Variants in MED13 observed in about 807,000 individuals in gnomAD.
MED13 encodes mediator of RNA polymerase II transcription subunit 13.
A neutral mutation model predicts 225.2 loss-of-function variants in MED13; 23 were observed. The observed-to-expected ratio is 0.10, with a 90% CI of 0.07 to 0.14. MED13 has a LOEUF of 0.14. MED13 is among the 10% of genes least tolerant of loss of function. The pLI is 1.00. For synonymous variants in MED13, 942 were observed against 889.2 expected (o/e 1.06, Z -1.06); for missense variants, 2,197 against 2,594.5 (o/e 0.85, Z 3.33).
chr17:61,945,217 T>C lies in MED13; in HGVS notation c.*1251A>G, dbSNP rs887845947. The C allele has an allele frequency of 7.2e-5, 11 of 152,054 alleles. No individual in the cohort carries two copies. The highest frequency in any genetic ancestry group is 1.9e-4 in the African/African-American group (8 of 41,398). 9.4% of individuals were successfully genotyped at this position (152,054 alleles called of 1,614,324 possible). A position where few individuals can be genotyped will look rare whatever the true frequency, so the allele number is the denominator to read the frequency against. On this transcript the variant is annotated 3_prime_UTR_variant, in exon 30 of 30. Coordinates refer to ENST00000397786, the MANE Select transcript of MED13 (RefSeq NM_005121.3). Reference sequence around the variant, plus strand: ...AGAATCTATTTACACCACAGTTTGATTGCGCGCACACACACACACCCATAC... The same window carrying C: ...AGAATCTATTTACACCACAGTTTGACTGCGCGCACACACACACACCCATAC...
rs534010327 is a variant in MED13 at position 61,955,916 on chromosome 17, CAAGTTA to C, written c.5624-84_5624-79del. The C allele has an allele frequency of 2.2e-4, 299 of 1,372,134 alleles. No individual in the cohort carries two copies. In the African/African-American group the frequency reaches 4.0e-3, roughly 18 times the overall value. 85.0% of individuals were successfully genotyped at this position (1,372,134 alleles called of 1,614,324 possible). Reference sequence around the variant, plus strand: ...CAGCATTATTAATATCCTGTAGAACCAAGTTAAAGTTAAAATATAAAAATAGTTAAT... The same window carrying C: ...CAGCATTATTAATATCCTGTAGAACCAAGTTAAAATATAAAAATAGTTAAT... On this transcript the variant is annotated intron_variant, in intron 24 of 29. Coordinates refer to ENST00000397786, the MANE Select transcript of MED13 (RefSeq NM_005121.3).
At chr17:62,064,843 G>C (rs904100665) in intron 1 of MED13, among the ~76,000 whole-genome samples, 8 of 152,190 alleles carry the variant, frequency 5.3e-5, no homozygotes, top group African/African-American at 1.4e-4. Context: ...CAAGACAAGA[G>C]GGAAAGGTTA....
chr17:61,976,258 G>A (rs950094923), intron 16 of MED13, among the ~76,000 whole-genome samples: 4 of 152,164 alleles, frequency 2.6e-5, no homozygotes, highest in Non-Finnish European at 4.4e-5. Flanking sequence ...CTATAGCATA[G>A]ATGAACCTTG....
intron 6 of MED13, 35 bp downstream of exon 6, chr17:62,031,409 A>G: frequency 2.0e-6 from 3 of 1,473,420 alleles, no homozygotes; most frequent in Non-Finnish European, 2.7e-6. Context: ...AAAATAACAA[A>G]TTACCAGAGC....
Position 62,010,642 on chromosome 17 carries a change from A to G in MED13, c.1875T>C (p.Asp625=). The G allele has an allele frequency of 6.7e-7, 1 of 1,499,812 alleles. No homozygotes were observed. The highest frequency in any genetic ancestry group is 8.9e-7 in the Non-Finnish European group (1 of 1,124,368). 92.9% of individuals were successfully genotyped at this position (1,499,812 alleles called of 1,614,324 possible). Residue 625 remains aspartate (D), a synonymous_variant, in exon 9 of 30, where the codon GAT becomes GAC. Transcript: ENST00000397786. ...GAAGTTGAGGTGGTAAAAACTCTAC[A>G]TCTTTTTTCTTTGGGAACTTGTAAT... ...WKYYKFPKKK[D]VEFLPPQLPS...
rs1035466886 is a variant in MED13, at chr17:61,943,041, A to G, written c.*3427T>C. The G allele has an allele frequency of 3.3e-5, 5 of 152,596 alleles. No individual in the cohort carries two copies. The highest frequency in any genetic ancestry group is 1.2e-4 in the African/African-American group (5 of 41,450). The allele number at this position is 152,596 out of a possible 1,614,324, so 9.5% of individuals were successfully genotyped here. A position where few individuals can be genotyped will look rare whatever the true frequency, so the allele number is the denominator to read the frequency against. On this transcript the variant is annotated 3_prime_UTR_variant, in exon 30 of 30. Transcript: ENST00000397786. ...CAGTTTTTAAATTTATACTCCACAA[A>G]AAAGAAAATACATACATAAAAATTT...
intron 23 of MED13, 27 bp from the exon 24 acceptor site, chr17:61,956,508 T>C (rs1463660636): frequency 1.3e-6 from 2 of 1,572,992 alleles, no homozygotes; most frequent in African/African-American, 2.8e-5. Context: ...GAGAGTGTCA[T>C]AAATATTTCT....
chr17:61,996,848 C>A (rs957329874), intron 9 of MED13, among the ~76,000 whole-genome samples: 3 of 152,170 alleles, frequency 2.0e-5, no homozygotes, highest in African/African-American at 7.2e-5. Flanking sequence ...AGGGGTCTAA[C>A]CTTTGTTCAC....
intron 2 of MED13, among the ~76,000 whole-genome samples, chr17:62,056,119 G>C (rs2080994665): frequency 6.6e-6 from 1 of 152,186 alleles, no homozygotes; most frequent in South Asian, 2.1e-4. Context: ...AAAAACGAGA[G>C]TAAGTCCTAA....
chr17:62,062,040 A>G (rs2143787199), intron 2 of MED13, among the ~76,000 whole-genome samples: 1 of 152,336 alleles, frequency 6.6e-6, no homozygotes, highest in Non-Finnish European at 1.5e-5. Flanking sequence ...TTCAAGATAC[A>G]GACACCTAGA....
chr17:61,972,262 T>C (rs1430417872), intron 17 of MED13, among the ~76,000 whole-genome samples: 3 of 152,226 alleles, frequency 2.0e-5, no homozygotes, highest in Non-Finnish European at 4.4e-5. Context: ...ATACCTATTA[T>C]GAGAATTCAT....
chr17:62,020,267 T>C (rs1401457436), intron 8 of MED13, among the ~76,000 whole-genome samples: 2 of 152,350 alleles, frequency 1.3e-5, no homozygotes, highest in South Asian at 2.1e-4. Context: ...AAACCTTTTA[T>C]TGAGGTATAA....
intron 16 of MED13, among the ~76,000 whole-genome samples, chr17:61,978,042 A>G (rs1438204575): frequency 6.6e-6 from 1 of 152,198 alleles, no homozygotes; most frequent in Non-Finnish European, 1.5e-5. Flanking sequence ...TTATTTGGCA[A>G]ATAAGTTGGT....
intron 4 of MED13, among the ~76,000 whole-genome samples, chr17:62,034,569 T>A (rs1442126456): frequency 1.3e-5 from 2 of 151,994 alleles, no homozygotes; most frequent in Non-Finnish European, 2.9e-5. Context: ...TCCTTCAATT[T>A]ACTTTGACTC....
Position 61,950,994 on chromosome 17 carries a change from T to G in MED13, c.6122A>C (p.Gln2041Pro). 1 of 1,609,638 alleles carries G rather than the reference T, an allele frequency of 6.2e-7. No homozygotes were observed. ...TGTTGATAGTAGCCGATCAGTACTC[T>G]GACCCTTAAAAAGACAAAATTAAAA... ...YPHGGDAGKG[Q>P]STDRLLSTEP... The change falls in exon 28 of 30, where the codon CAG becomes CCG. Residue 2041 changes from glutamine (Q) to proline (P), a missense_variant. Physicochemically the swap from Gln to Pro is moderately conservative, Grantham distance 76 (BLOSUM62 -1). Around this residue, in one of 12 missense-constraint regions of MED13, gnomAD observed 216 missense variants for 388.9 expected, o/e 0.56. Transcript: ENST00000397786.
chr17:62,049,930 CAAAAA>C (rs544006035), intron 3 of MED13, among the ~76,000 whole-genome samples: 10 of 96,236 alleles, frequency 1.0e-4, no homozygotes, highest in Admixed American at 5.3e-4. Flanking sequence ...GCTCTGTCTC[CAAAAA>C]AAAAAAAAGA....
chr17:61,974,969 G>A (rs2080141279), intron 16 of MED13, among the ~76,000 whole-genome samples: 1 of 151,988 alleles, frequency 6.6e-6, no homozygotes, highest in African/African-American at 2.4e-5. Flanking sequence ...CATCAAGAAA[G>A]TAAAAAGATT....
intron 2 of MED13, among the ~76,000 whole-genome samples, chr17:62,055,308 T>G (rs1416567762): frequency 6.6e-6 from 1 of 151,962 alleles, no homozygotes; most frequent in Non-Finnish European, 1.5e-5. Flanking sequence ...GAGAATCACC[T>G]GAGCCCAAGA....
intron 1 of MED13, 104 bp from the exon 2 acceptor site, chr17:62,063,405 T>C (rs1328735970): frequency 4.0e-6 from 3 of 754,934 alleles, no homozygotes; most frequent in Non-Finnish European, 6.5e-6. Context: ...AATTTTTCAA[T>C]GTATGCTTGA....
Sources: gnomAD v4.1 joint callset for allele counts (sites outside exome capture counted in the v4.1 genomes callset) on GRCh38, gnomAD v4.1.1 for gene constraint, gnomAD v4.1.1 regional missense constraint, MANE v1.5 for transcripts, NCBI Gene and HGNC (gene_info 2026-07-23, HGNC 2026-07-21) for gene names.